Variants in AMD1 observed in about 807,000 individuals in gnomAD.
AMD1 encodes adenosylmethionine decarboxylase 1.
A neutral mutation model predicts 40.2 loss-of-function variants in AMD1; 11 were observed. That is an observed-to-expected ratio of 0.27 (90% confidence interval 0.17 to 0.45). The LOEUF (loss-of-function observed/expected upper bound fraction) is 0.45. Ranked by LOEUF, AMD1 falls within the 20% of genes least tolerant of loss-of-function variation. AMD1 has a pLI of 1.00. For missense variants in AMD1, 257 were observed against 410.2 expected (o/e 0.63, Z 3.23); for synonymous variants, 121 against 130.8 (o/e 0.93, Z 0.51).
chr6:110,853,983 G>T, the AMD1 span, among the ~76,000 whole-genome samples: 1 of 152,198 alleles, frequency 6.6e-6, no homozygotes, highest in African/African-American at 2.4e-5. Context: ...CCCAGCTCTT[G>T]TTGGGAAGCC....
At chr6:110,837,701 A>G in the AMD1 span, among the ~76,000 whole-genome samples, 12 of 119,682 alleles carry the variant, frequency 1.0e-4, no homozygotes, top group South Asian at 3.1e-4. Context: ...ACAAGAGCGA[A>G]ACTCCATCTC....
the AMD1 span, among the ~76,000 whole-genome samples, chr6:110,863,352 A>C: frequency 6.7e-6 from 1 of 148,566 alleles, no homozygotes; most frequent in Non-Finnish European, 1.5e-5. Context: ...TCTGGGAAAC[A>C]TAAACCTGAT....
chr6:110,850,043 A>G, the AMD1 span, among the ~76,000 whole-genome samples: 3 of 151,910 alleles, frequency 2.0e-5, no homozygotes, highest in African/African-American at 4.8e-5. Context: ...AAGAATAAGA[A>G]AATGACAGGG....
the AMD1 span, chr6:110,815,163 G>A: frequency 2.6e-6 from 4 of 1,564,164 alleles, no homozygotes; most frequent in Non-Finnish European, 3.5e-6. Flanking sequence ...AGAGGCACGG[G>A]ACGCGGGGGC....
At chr6:110,822,649 A>G in the AMD1 span, among the ~76,000 whole-genome samples, 1 of 152,234 alleles carries the variant, frequency 6.6e-6, no homozygotes, top group Non-Finnish European at 1.5e-5. Context: ...CTATAGACAA[A>G]TATCCCTGAT....
At chr6:110,836,306 T>G in the AMD1 span, among the ~76,000 whole-genome samples, 357 of 152,240 alleles carry the variant, frequency 2.3e-3, 2 homozygotes, top group Admixed American at 3.2e-3. Context: ...GCTATGACTG[T>G]TTTTATCATA....
At chr6:110,827,948 T>C in the AMD1 span, among the ~76,000 whole-genome samples, 1 of 152,222 alleles carries the variant, frequency 6.6e-6, no homozygotes, top group Non-Finnish European at 1.5e-5. Context: ...TGTCATTTTT[T>C]TCCTAAATCG....
chr6:110,821,888 C>T, the AMD1 span, among the ~76,000 whole-genome samples: 1 of 152,070 alleles, frequency 6.6e-6, no homozygotes, highest in Non-Finnish European at 1.5e-5. Flanking sequence ...AAATTGACAA[C>T]CTAACATCAT....
chr6:110,873,361 C>T (rs894875514), upstream of AMD1, among the ~76,000 whole-genome samples: 1 of 152,224 alleles, frequency 6.6e-6, no homozygotes, highest in Non-Finnish European at 1.5e-5. Context: ...GAGACTCCGT[C>T]TCAGACAAAC....
upstream of AMD1, among the ~76,000 whole-genome samples, chr6:110,873,848 G>C (rs1007302765): frequency 2.0e-5 from 3 of 152,200 alleles, no homozygotes; most frequent in African/African-American, 7.2e-5. Context: ...TGGGAAGATA[G>C]CACTGTAAAT....
chr6:110,817,210 G>A, the AMD1 span, among the ~76,000 whole-genome samples: 1 of 152,186 alleles, frequency 6.6e-6, no homozygotes, highest in African/African-American at 2.4e-5. Flanking sequence ...GGAAAGAATA[G>A]TGAACTGCCT....
chr6:110,884,552 G>A (rs1031380660), intron 1 of AMD1, among the ~76,000 whole-genome samples: 1 of 152,100 alleles, frequency 6.6e-6, no homozygotes, highest in African/African-American at 2.4e-5. Flanking sequence ...TCCCACATCA[G>A]CCTACCGAGT....
upstream of AMD1, among the ~76,000 whole-genome samples, chr6:110,870,852 C>T (rs1050187454): frequency 6.6e-6 from 1 of 152,122 alleles, no homozygotes; most frequent in South Asian, 2.1e-4. Flanking sequence ...GCCTACTCAC[C>T]CTAGACTACC....
the AMD1 span, among the ~76,000 whole-genome samples, chr6:110,826,589 G>A: frequency 2.6e-5 from 4 of 152,012 alleles, no homozygotes; most frequent in Admixed American, 6.6e-5. Context: ...TGAAAGCCTC[G>A]GCAGTCCTTG....
chr6:110,871,561 G>T (rs1331567152), upstream of AMD1, among the ~76,000 whole-genome samples: 1 of 152,208 alleles, frequency 6.6e-6, no homozygotes, highest in African/African-American at 2.4e-5. Flanking sequence ...GTATAACGAG[G>T]TGATTTGTTG....
At chr6:110,816,189 C>A in the AMD1 span, among the ~76,000 whole-genome samples, 1 of 152,200 alleles carries the variant, frequency 6.6e-6, no homozygotes, top group Non-Finnish European at 1.5e-5. Context: ...AGTCAGCTTT[C>A]TCTTAGCATA....
At chr6:110,846,705 A>G in the AMD1 span, among the ~76,000 whole-genome samples, 3 of 152,046 alleles carry the variant, frequency 2.0e-5, no homozygotes. Context: ...GCTCGTCTCT[A>G]CTAAAAATAC....
At chr6:110,865,767 C>CT in the AMD1 span, among the ~76,000 whole-genome samples, 2 of 150,248 alleles carry the variant, frequency 1.3e-5, no homozygotes, top group East Asian at 2.0e-4. Context: ...TTCTTTCTTT[C>CT]TTTTTTTTTG....
chr6:110,858,583 G>A, the AMD1 span: 6 of 1,594,660 alleles, frequency 3.8e-6, no homozygotes, highest in Non-Finnish European at 5.1e-6. Flanking sequence ...TTGAGAGTGG[G>A]AACATGACGC....
Sources: allele counts gnomAD v4.1 joint callset (sites outside exome capture counted in the v4.1 genomes callset), GRCh38; gene constraint gnomAD v4.1.1; transcripts MANE v1.5; gene names NCBI Gene and HGNC (gene_info 2026-07-23, HGNC 2026-07-21).